The following PGPEP1L variants were observed in gnomAD, a reference collection of about 807,000 sequenced individuals.
The protein encoded by PGPEP1L is pyroglutamyl-peptidase 1-like protein.
PGPEP1L carries 7 observed loss-of-function variants against 6.0 expected under a neutral mutation model. The ratio of observed to expected loss-of-function variants is 1.17; its 90% CI spans 0.66 to 2.19. PGPEP1L has a LOEUF of 2.19. Ranked by LOEUF, PGPEP1L falls within the 30% of genes most tolerant of loss-of-function variation. The pLI is 0.00. For missense variants in PGPEP1L, 209 were observed against 192.5 expected, an observed-to-expected ratio of 1.09 and a Z score of -0.51; for synonymous variants, 103 against 83.9, an observed-to-expected ratio of 1.23 and a Z score of -1.24.
rs991680979 is a variant in PGPEP1L, at chr15:98,968,398, GAA to G, written c.*78_*79del. Reference sequence around the variant, plus strand: ...CCTCTTTGTCTTACAAGCAATTTTTGAAAAAGTTTCTCAATGCACAGTTGAGT... The same window carrying G: ...CCTCTTTGTCTTACAAGCAATTTTTGAAAGTTTCTCAATGCACAGTTGAGT... On this transcript the variant is annotated 3_prime_UTR_variant, in exon 5 of 5. Coordinates refer to ENST00000535714, the MANE Select transcript of PGPEP1L (RefSeq NM_001167902.2). 1.3e-5 allele frequency: 18 copies of G among 1,429,870 alleles called. No individual in the cohort carries two copies. In the African/African-American group the frequency reaches 1.6e-4, roughly 12 times the overall value. 88.6% of individuals were successfully genotyped at this position (1,429,870 alleles called of 1,614,324 possible).
At chr15:98,998,850 C>G (rs2017921803) in intron 2 of PGPEP1L, among the ~76,000 whole-genome samples, 1 of 152,120 alleles carries the variant, frequency 6.6e-6, no homozygotes, top group Non-Finnish European at 1.5e-5. Context: ...TGGTGGGCAC[C>G]TATAATCCCA....
chr15:99,001,554 T>C (rs2017970298), intron 2 of PGPEP1L, among the ~76,000 whole-genome samples: 2 of 152,196 alleles, frequency 1.3e-5, no homozygotes. Flanking sequence ...GAGTAAATGG[T>C]ATAGCATGTG....
intron 2 of PGPEP1L, among the ~76,000 whole-genome samples, chr15:98,986,331 A>G (rs1160168013): frequency 6.6e-6 from 1 of 152,232 alleles, no homozygotes; most frequent in Non-Finnish European, 1.5e-5. Flanking sequence ...GATCTTCAAA[A>G]AGGGGAGGTG....
chr15:98,995,960 C>G (rs1336527234), intron 2 of PGPEP1L, among the ~76,000 whole-genome samples: 1 of 152,098 alleles, frequency 6.6e-6, no homozygotes. Flanking sequence ...TTTCATTTAC[C>G]GTAATTCTAA....
At chr15:98,968,903 G>A (rs1322618919) in intron 4 of PGPEP1L, among the ~76,000 whole-genome samples, 3 of 152,308 alleles carry the variant, frequency 2.0e-5, no homozygotes, top group Non-Finnish European at 2.9e-5. Context: ...CCTCATGACC[G>A]GCAAGTGGCC....
chr15:98,980,365 G>A (rs540558259), intron 2 of PGPEP1L, among the ~76,000 whole-genome samples: 1 of 152,248 alleles, frequency 6.6e-6, no homozygotes, highest in South Asian at 2.1e-4. Context: ...GTTTCAGGAG[G>A]AGACAGACTT....
chr15:98,985,312 G>A (rs555311801), intron 2 of PGPEP1L, among the ~76,000 whole-genome samples: 1 of 152,318 alleles, frequency 6.6e-6, no homozygotes, highest in South Asian at 2.1e-4. Flanking sequence ...GCCAAGGCGG[G>A]AGGATCACCT....
At chr15:99,005,119 G>C (rs1416029755) in intron 2 of PGPEP1L, among the ~76,000 whole-genome samples, 1 of 152,140 alleles carries the variant, frequency 6.6e-6, no homozygotes. Context: ...ACAGGTACCA[G>C]CCTCAGCTTC....
Position 98,982,700 on chromosome 15 carries a change from CTTTTTTTTTTTT to C in PGPEP1L, c.-141-11554_-141-11543del, listed in dbSNP as rs369749842. On this transcript the variant is annotated intron_variant, in intron 2 of 4. Coordinates refer to ENST00000535714, the MANE Select transcript of PGPEP1L (RefSeq NM_001167902.2). ...TCACTCTGGTTATTTTTATCTGAGGCTTTTTTTTTTTTTTTTTTTTTTTTTTTTGAGACAGAG... is the reference window on the plus strand; with the variant it reads ...TCACTCTGGTTATTTTTATCTGAGGCTTTTTTTTTTTTTTTTGAGACAGAG... Among the ~76,000 whole-genome samples the C allele has an allele frequency of 8.0e-3, 421 of 52,508 alleles. 4 individuals carry two copies. The highest frequency in any genetic ancestry group is 0.02 in the African/African-American group (391 of 19,494). The allele number at this position is 52,508 out of a possible 152,430, so 34.4% of individuals were successfully genotyped here. A position where few individuals can be genotyped will look rare whatever the true frequency, so the allele number is the denominator to read the frequency against.
At chr15:98,988,300 G>T (rs1488493309) in intron 2 of PGPEP1L, among the ~76,000 whole-genome samples, 1 of 152,042 alleles carries the variant, frequency 6.6e-6, no homozygotes, top group Non-Finnish European at 1.5e-5. Context: ...TGAGCTTGGT[G>T]GGGGGGAGGG....
intron 2 of PGPEP1L, among the ~76,000 whole-genome samples, chr15:99,002,629 G>A (rs1301837859): frequency 6.8e-6 from 1 of 147,076 alleles, no homozygotes; most frequent in African/African-American, 2.7e-5. Context: ...ACACTTCTTG[G>A]CAAATTCCTA....
At chr15:98,994,704 A>C (rs370490078) in intron 2 of PGPEP1L, among the ~76,000 whole-genome samples, 1 of 152,178 alleles carries the variant, frequency 6.6e-6, no homozygotes. Context: ...TTCTCAGATC[A>C]TTTTCCTTCC....
At chr15:98,973,265 G>A (rs2017524777) in intron 2 of PGPEP1L, among the ~76,000 whole-genome samples, 1 of 152,146 alleles carries the variant, frequency 6.6e-6, no homozygotes, top group Non-Finnish European at 1.5e-5. Context: ...ATAATAGCAG[G>A]AAACTTTGAT....
chr15:98,995,526 C>T (rs566132791), intron 2 of PGPEP1L, among the ~76,000 whole-genome samples: 1 of 152,242 alleles, frequency 6.6e-6, no homozygotes, highest in African/African-American at 2.4e-5. Context: ...AGTGAAACCC[C>T]ATCTCTACTA....
intron 4 of PGPEP1L, 78 bp downstream of exon 4, chr15:98,969,347 T>C: frequency 6.4e-7 from 1 of 1,569,024 alleles, no homozygotes. Context: ...ACAGGATGGC[T>C]TCTTGGAGGT....
chr15:98,970,339 C>T (rs185878687), intron 3 of PGPEP1L, among the ~76,000 whole-genome samples: 51 of 152,228 alleles, frequency 3.4e-4, no homozygotes, highest in African/African-American at 1.1e-3. Context: ...CCACCGTGCC[C>T]GCCTCCTGCA....
intron 2 of PGPEP1L, among the ~76,000 whole-genome samples, chr15:98,978,385 G>A (rs1485163380): frequency 6.6e-6 from 1 of 151,992 alleles, no homozygotes; most frequent in Admixed American, 6.6e-5. Context: ...CCTAATTAAT[G>A]GCATCTCAAA....
Position 98,987,165 on chromosome 15 carries a change from C to CAAAAAAAAAAAAAAAAAAAAAA in PGPEP1L, c.-141-16029_-141-16008dup, listed in dbSNP as rs57923635. On this transcript the variant is annotated intron_variant, in intron 2 of 4. Transcript: ENST00000535714. ...TGGGTGACAGAGTGAGACTCCATCT[C>CAAAAAAAAAAAAAAAAAAAAAA]AAAAAAAAAAAAAAAAAAAAAAAAA... 1.5e-4 allele frequency among the ~76,000 whole-genome samples: 5 copies of CAAAAAAAAAAAAAAAAAAAAAA among 33,396 alleles called. 1 individual carries two copies. The highest frequency in any genetic ancestry group is 5.7e-4 in the African/African-American group (5 of 8,794). The allele number at this position is 33,396 out of a possible 152,430, so 21.9% of individuals were successfully genotyped here.
chr15:98,972,573 TA>T (rs1310993494), intron 2 of PGPEP1L, among the ~76,000 whole-genome samples: 1 of 151,776 alleles, frequency 6.6e-6, no homozygotes, highest in Non-Finnish European at 1.5e-5. Context: ...ATTATCCAAT[TA>T]AAAGGTGCAG....
Sources: allele counts gnomAD v4.1 joint callset (sites outside exome capture counted in the v4.1 genomes callset), GRCh38; gene constraint gnomAD v4.1.1; transcripts MANE v1.5; gene names NCBI Gene and HGNC (gene_info 2026-07-23, HGNC 2026-07-21).